Variants in AIM2 observed in about 807,000 individuals in gnomAD.
AIM2 encodes the protein interferon-inducible protein AIM2.
In AIM2, 30 loss-of-function variants were observed where a neutral mutation model predicts 27.7. The observed-to-expected ratio is 1.08, with a 90% CI of 0.81 to 1.47. AIM2 has a LOEUF of 1.47. Among genes scored for constraint, AIM2 ranks in the 40% most tolerant of loss-of-function variants. The probability of loss-of-function intolerance (pLI) is 0.00; values close to 1 mark genes in which losing one functional copy is unlikely to be tolerated. For synonymous variants in AIM2, 141 were observed against 145.3 expected (o/e 0.97, Z 0.21); for missense variants, 358 against 411.3 (o/e 0.87, Z 1.12).
At chr1:159,064,443 G>A (rs1441865762) in intron 4 of AIM2, among the ~76,000 whole-genome samples, 1 of 152,130 alleles carries the variant, frequency 6.6e-6, no homozygotes, top group East Asian at 1.9e-4. Context: ...AGAAGACCCT[G>A]GGTTGGAAGA....
chr1:159,106,501 G>A (rs1167588308), intron 1 of AIM2, among the ~76,000 whole-genome samples: 5 of 152,246 alleles, frequency 3.3e-5, no homozygotes, highest in Non-Finnish European at 7.3e-5. Flanking sequence ...ACTGTGAAAT[G>A]TGAGAAAGAA....
intron 1 of AIM2, among the ~76,000 whole-genome samples, chr1:159,114,145 G>T (rs1647266169): frequency 6.6e-6 from 1 of 152,176 alleles, no homozygotes; most frequent in African/African-American, 2.4e-5. Flanking sequence ...TAGAGTAGTG[G>T]ACAAGAGACT....
intron 1 of AIM2, among the ~76,000 whole-genome samples, chr1:159,112,437 T>G (rs1217700747): frequency 6.6e-6 from 1 of 152,106 alleles, no homozygotes; most frequent in African/African-American, 2.4e-5. Flanking sequence ...TAAACAAAAA[T>G]TGAGAGACCT....
chr1:159,094,398 C>T (rs1399247345), intron 1 of AIM2, among the ~76,000 whole-genome samples: 1 of 152,140 alleles, frequency 6.6e-6, no homozygotes, highest in African/African-American at 2.4e-5. Context: ...CAGTATTCAA[C>T]AATTTTAAGA....
intron 4 of AIM2, among the ~76,000 whole-genome samples, chr1:159,064,231 ATATATCTAATAGATGT>A (rs574142368): frequency 2.8e-4 from 42 of 152,324 alleles, no homozygotes; most frequent in Non-Finnish European, 4.0e-4. Context: ...ACTAGCAGGT[ATATATCTAATAGATGT>A]TAGCAAGTTC....
At chr1:159,114,162 C>A (rs1366638889) in intron 1 of AIM2, among the ~76,000 whole-genome samples, 1 of 152,064 alleles carries the variant, frequency 6.6e-6, no homozygotes, top group Non-Finnish European at 1.5e-5. Context: ...GACTGGGTAA[C>A]AGAAAGAACT....
chr1:159,136,498 T>C (rs1000359600), intron 1 of AIM2, among the ~76,000 whole-genome samples: 1 of 152,200 alleles, frequency 6.6e-6, no homozygotes, highest in Non-Finnish European at 1.5e-5. Flanking sequence ...TCTGTGTCAT[T>C]ACCATGAAGT....
chr1:159,104,230 T>G (rs1432989793), intron 1 of AIM2, among the ~76,000 whole-genome samples: 2 of 152,030 alleles, frequency 1.3e-5, no homozygotes, highest in African/African-American at 4.8e-5. Flanking sequence ...AGAGCCACGG[T>G]GACAAGAGGG....
At chr1:159,125,870 C>T (rs1290497325) in intron 1 of AIM2, among the ~76,000 whole-genome samples, 3 of 152,074 alleles carry the variant, frequency 2.0e-5, no homozygotes, top group Non-Finnish European at 2.9e-5. Flanking sequence ...AGAGTTACAT[C>T]CAGATTTCCA....
chr1:159,105,402 A>C (rs917474393), intron 1 of AIM2, among the ~76,000 whole-genome samples: 6 of 152,122 alleles, frequency 3.9e-5, no homozygotes, highest in Admixed American at 3.9e-4. Context: ...AGCCTGCAAC[A>C]TAGTGAGTGG....
intron 1 of AIM2, among the ~76,000 whole-genome samples, chr1:159,095,750 CT>C (rs1184647155): frequency 1.3e-5 from 2 of 152,086 alleles, no homozygotes; most frequent in East Asian, 3.9e-4. Flanking sequence ...ACATTTTAGT[CT>C]CTTAATTGGC....
chr1:159,099,776 G>T (rs534815610), intron 1 of AIM2, among the ~76,000 whole-genome samples: 1 of 152,116 alleles, frequency 6.6e-6, no homozygotes, highest in African/African-American at 2.4e-5. Context: ...GCCTAACCTT[G>T]CCTGTAAAAA....
At chr1:159,128,308 T>C (rs1005740946) in intron 1 of AIM2, among the ~76,000 whole-genome samples, 2 of 151,520 alleles carry the variant, frequency 1.3e-5, no homozygotes, top group African/African-American at 2.4e-5. Context: ...AGCCCTGCCA[T>C]TTTTCTGCAT....
rs1399760996 is a variant in AIM2 at position 159,130,832 on chromosome 1, ACACACACACACG to A, written c.-16+9587_-16+9598del. 3.0e-3 allele frequency among the ~76,000 whole-genome samples: 456 copies of A among 151,038 alleles called. 2 individuals carry two copies. The highest frequency in any genetic ancestry group is 0.024 in the Middle Eastern group (7 of 294). ...CACACACACACACACACACACACAC[ACACACACACACG>A]CACGCACTCTTCAAATCTGTCATTG... On this transcript the variant is annotated intron_variant, in intron 1 of 2. Transcript: ENST00000368129.
intron 1 of AIM2, among the ~76,000 whole-genome samples, chr1:159,110,304 C>A (rs1348440366): frequency 6.6e-6 from 1 of 152,164 alleles, no homozygotes. Context: ...AGACCAAGAC[C>A]ATGGTCCACA....
the AIM2 span, among the ~76,000 whole-genome samples, chr1:159,056,460 C>T: frequency 6.6e-6 from 1 of 151,924 alleles, no homozygotes; most frequent in African/African-American, 2.4e-5. Context: ...TTAACTGCTT[C>T]CTGCTGACAG....
chr1:159,114,766 C>G (rs555621563), intron 1 of AIM2, among the ~76,000 whole-genome samples: 1 of 152,150 alleles, frequency 6.6e-6, no homozygotes, highest in African/African-American at 2.4e-5. Context: ...CCTTTGAAAA[C>G]TGGCACAAGA....
intron 1 of AIM2, among the ~76,000 whole-genome samples, chr1:159,111,511 A>G (rs1185956379): frequency 6.6e-6 from 1 of 152,200 alleles, no homozygotes; most frequent in Non-Finnish European, 1.5e-5. Context: ...ACAGTTACAC[A>G]AAAAAACTAC....
intron 3 of AIM2, among the ~76,000 whole-genome samples, chr1:159,066,563 T>C (rs1282448896): frequency 6.6e-6 from 1 of 152,166 alleles, no homozygotes; most frequent in African/African-American, 2.4e-5. Context: ...TAACACGTTT[T>C]GGAGGTAGGA....
Sources: allele counts gnomAD v4.1 joint callset (sites outside exome capture counted in the v4.1 genomes callset), GRCh38; gene constraint gnomAD v4.1.1; transcripts MANE v1.5; gene names NCBI Gene and HGNC (gene_info 2026-07-23, HGNC 2026-07-21).